The following AGBL4 variants were observed in gnomAD, a reference collection of about 807,000 sequenced individuals.
The protein encoded by AGBL4 is AGBL carboxypeptidase 4.
In AGBL4, 58 loss-of-function variants were observed where a neutral mutation model predicts 66.4. The observed-to-expected ratio is 0.87, with a 90% CI of 0.71 to 1.09. AGBL4 has a LOEUF of 1.09. AGBL4 is among the 50% of genes least tolerant of loss of function. AGBL4 has a pLI of 0.00. For synonymous variants in AGBL4, 234 were observed against 222.9 expected (o/e 1.05, Z -0.44); for missense variants, 579 against 631.0 (o/e 0.92, Z 0.88).
At chr1:49,661,502 C>T (rs1571279117) in intron 3 of AGBL4, among the ~76,000 whole-genome samples, 1 of 152,138 alleles carries the variant, frequency 6.6e-6, no homozygotes, top group African/African-American at 2.4e-5. Flanking sequence ...CTCTTGCACC[C>T]TCTCTGACCA....
chr1:48,794,342 T>C (rs1293939403), intron 6 of AGBL4, among the ~76,000 whole-genome samples: 1 of 152,168 alleles, frequency 6.6e-6, no homozygotes, highest in Non-Finnish European at 1.5e-5. Flanking sequence ...GCCCAAGCCT[T>C]TCCCAGCTTC....
At chr1:49,035,308 G>C (rs1038748738) in intron 5 of AGBL4, among the ~76,000 whole-genome samples, 4 of 152,122 alleles carry the variant, frequency 2.6e-5, no homozygotes, top group Non-Finnish European at 5.9e-5. Context: ...GAAAGAATTT[G>C]ATTGAGGGGC....
chr1:49,118,287 C>G (rs1303794860), intron 4 of AGBL4, among the ~76,000 whole-genome samples: 2 of 152,098 alleles, frequency 1.3e-5, no homozygotes, highest in East Asian at 3.8e-4. Flanking sequence ...GCATCCTTGT[C>G]TTGTGCTGGT....
At chr1:50,012,028 G>A (rs528332559) in intron 1 of AGBL4, among the ~76,000 whole-genome samples, 3 of 152,126 alleles carry the variant, frequency 2.0e-5, no homozygotes, top group Admixed American at 6.5e-5. Context: ...GCGCGGTGGC[G>A]GGCGCCTGTA....
chr1:48,528,031 G>A (rs1224799463), downstream of AGBL4, among the ~76,000 whole-genome samples: 1 of 152,162 alleles, frequency 6.6e-6, no homozygotes, highest in Non-Finnish European at 1.5e-5. Flanking sequence ...GTGGCTAGGA[G>A]GGAAAGCATG....
chr1:49,043,406 A>G (rs1331732866), intron 5 of AGBL4, among the ~76,000 whole-genome samples: 1 of 152,050 alleles, frequency 6.6e-6, no homozygotes, highest in Non-Finnish European at 1.5e-5. Context: ...CTAACTGTGT[A>G]CCTTAACTGA....
At chr1:49,604,292 CGTT>C (rs894457675) in intron 3 of AGBL4, among the ~76,000 whole-genome samples, 27 of 152,132 alleles carry the variant, frequency 1.8e-4, no homozygotes, top group African/African-American at 5.8e-4. Context: ...CGTGGTACCT[CGTT>C]GTTGTTTTAA....
At chr1:48,692,232 T>C (rs1646643989) in intron 6 of AGBL4, among the ~76,000 whole-genome samples, 3 of 152,164 alleles carry the variant, frequency 2.0e-5, no homozygotes, top group Admixed American at 1.3e-4. Flanking sequence ...CAGAAGCAAC[T>C]AATGGCATAG....
At chr1:49,737,398 G>C (rs1558205762) in intron 2 of AGBL4, among the ~76,000 whole-genome samples, 1 of 152,186 alleles carries the variant, frequency 6.6e-6, no homozygotes, top group Non-Finnish European at 1.5e-5. Context: ...GGATGCAGCT[G>C]GAGGCCATTA....
intron 3 of AGBL4, among the ~76,000 whole-genome samples, chr1:49,498,730 T>G (rs1358783645): frequency 6.6e-6 from 1 of 151,932 alleles, no homozygotes; most frequent in East Asian, 2.0e-4. Context: ...TTTACTGTAT[T>G]GAAGTACATT....
chr1:48,609,170 C>T (rs1390335141), intron 9 of AGBL4, among the ~76,000 whole-genome samples: 1 of 152,050 alleles, frequency 6.6e-6, no homozygotes, highest in African/African-American at 2.4e-5. Context: ...GCTGAGAGAG[C>T]CTCTAATCTC....
chr1:49,757,590 C>T (rs770081458), intron 2 of AGBL4, among the ~76,000 whole-genome samples: 4 of 152,120 alleles, frequency 2.6e-5, no homozygotes, highest in Non-Finnish European at 5.9e-5. Flanking sequence ...ACAATGAAGT[C>T]CAGGTTGAGG....
chr1:48,550,370 T>C (rs1644231013), intron 11 of AGBL4, among the ~76,000 whole-genome samples: 1 of 152,088 alleles, frequency 6.6e-6, no homozygotes, highest in Admixed American at 6.5e-5. Flanking sequence ...CTGTTGGCAT[T>C]CCTTGCTTTG....
intron 3 of AGBL4, among the ~76,000 whole-genome samples, chr1:49,367,921 G>A (rs973111603): frequency 6.6e-6 from 1 of 151,662 alleles, no homozygotes; most frequent in Non-Finnish European, 1.5e-5. Flanking sequence ...ATTCCTCATC[G>A]CCCCCACTCC....
intron 1 of AGBL4, among the ~76,000 whole-genome samples, chr1:49,857,988 T>C (rs1013195771): frequency 1.3e-5 from 2 of 151,986 alleles, no homozygotes; most frequent in African/African-American, 2.4e-5. Context: ...CTCTCTAGAA[T>C]ATACAAAGAA....
intron 3 of AGBL4, among the ~76,000 whole-genome samples, chr1:49,549,442 TC>T (rs1461076797): frequency 6.6e-6 from 1 of 152,136 alleles, no homozygotes; most frequent in Non-Finnish European, 1.5e-5. Context: ...CTCTTGGCAC[TC>T]CCTTTGGTGT....
chr1:49,340,218 A>G (rs77804254), intron 3 of AGBL4, among the ~76,000 whole-genome samples: 5 of 16,428 alleles, frequency 3.0e-4, no homozygotes, highest in African/African-American at 8.9e-4. Flanking sequence ...TCTCTATGGA[A>G]AAAAAAAAAA....
Position 49,094,719 on chromosome 1 carries a change from C to T in AGBL4, c.378-48919G>A, listed in dbSNP as rs192574592. 6.1e-3 allele frequency among the ~76,000 whole-genome samples: 923 copies of T among 152,228 alleles called. 6 individuals are homozygous for T. The highest frequency in any genetic ancestry group is 0.027 in the Middle Eastern group (8 of 294). On this transcript the variant is annotated intron_variant, in intron 4 of 13. Coordinates refer to ENST00000371839, the MANE Select transcript of AGBL4 (RefSeq NM_032785.4). ...ATAAGAGCTATTTATGACAAACCCA[C>T]GGCCAATATCATACTGAATGGGCAA...
At chr1:49,301,440 G>C (rs1284167826) in intron 3 of AGBL4, among the ~76,000 whole-genome samples, 2 of 152,182 alleles carry the variant, frequency 1.3e-5, no homozygotes, top group African/African-American at 4.8e-5. Flanking sequence ...AAGGAATTTA[G>C]TTTAATAGTT....
Sources: allele counts gnomAD v4.1 joint callset (sites outside exome capture counted in the v4.1 genomes callset), GRCh38; gene constraint gnomAD v4.1.1; transcripts MANE v1.5; gene names NCBI Gene and HGNC (gene_info 2026-07-23, HGNC 2026-07-21).